Variants in CDH12 observed in about 807,000 individuals in gnomAD.
CDH12 encodes the protein cadherin-12.
A neutral mutation model predicts 74.1 loss-of-function variants in CDH12; 41 were observed. The observed-to-expected ratio is 0.55, with a 90% CI of 0.43 to 0.72. The LOEUF is 0.72. Ranked by LOEUF, CDH12 falls within the 30% of genes least tolerant of loss-of-function variation. CDH12 has a pLI of 0.00. For synonymous variants in CDH12, 399 were observed against 355.0 expected (o/e 1.12, Z -1.39); for missense variants, 945 against 977.2 (o/e 0.97, Z 0.44).
rs574162778 is a variant in CDH12, at chr5:22,657,858, C to T, written c.-522-152494G>A. On this transcript the variant is annotated intron_variant, in intron 1 of 14. Transcript: ENST00000382254. ...CCAATTTTTCTTTTAACTTCTCCAT[C>T]AAGTACAATCCATAAAGTACAATAA... 2.6e-5 allele frequency among the ~76,000 whole-genome samples: 4 copies of T among 152,202 alleles called. No individual in the cohort carries two copies. In the South Asian group the frequency reaches 8.3e-4, roughly 32 times the overall value.
intron 6 of CDH12, among the ~76,000 whole-genome samples, chr5:21,973,867 C>G (rs1398255002): frequency 6.6e-6 from 1 of 152,142 alleles, no homozygotes; most frequent in Non-Finnish European, 1.5e-5. Context: ...TTCTAAATTT[C>G]TAGCAATAAT....
chr5:22,117,458 T>TTATATATTA (rs1745192751), intron 4 of CDH12, among the ~76,000 whole-genome samples: 2 of 75,498 alleles, frequency 2.6e-5, no homozygotes, highest in African/African-American at 1.1e-4. Context: ...AATATATATA[T>TTATATATTA]TATATATATA....
intron 11 of CDH12, among the ~76,000 whole-genome samples, chr5:21,780,418 G>A (rs1022030754): frequency 6.6e-6 from 1 of 152,072 alleles, no homozygotes; most frequent in African/African-American, 2.4e-5. Context: ...TCCCATAATT[G>A]CTTTGATAAC....
chr5:22,063,868 C>T (rs1043364431), intron 5 of CDH12, among the ~76,000 whole-genome samples: 1 of 152,086 alleles, frequency 6.6e-6, no homozygotes, highest in African/African-American at 2.4e-5. Context: ...TTGGAACTCT[C>T]TCTGAGTTTC....
intron 4 of CDH12, among the ~76,000 whole-genome samples, chr5:22,119,026 T>C (rs1034937830): frequency 1.1e-4 from 17 of 152,062 alleles, no homozygotes; most frequent in African/African-American, 3.9e-4. Flanking sequence ...CAAGAAGAAG[T>C]AATAGGATCG....
chr5:22,491,593 T>C (rs1220722357), intron 2 of CDH12, among the ~76,000 whole-genome samples: 1 of 60,986 alleles, frequency 1.6e-5, no homozygotes. Flanking sequence ...ACACCAACAG[T>C]AAGGACAGCT....
At chr5:22,434,505 G>A (rs1744300953) in intron 2 of CDH12, among the ~76,000 whole-genome samples, 1 of 151,852 alleles carries the variant, frequency 6.6e-6, no homozygotes, top group African/African-American at 2.4e-5. Context: ...TATCCAAAAT[G>A]GAGTTCACCA....
intron 3 of CDH12, among the ~76,000 whole-genome samples, chr5:22,280,850 C>T (rs183364480): frequency 3.3e-5 from 5 of 152,058 alleles, no homozygotes; most frequent in African/African-American, 7.2e-5. Flanking sequence ...AGAAAAAGAG[C>T]GAATCCTCCC....
intron 4 of CDH12, among the ~76,000 whole-genome samples, chr5:22,099,845 T>G (rs1447674347): frequency 6.6e-6 from 1 of 152,178 alleles, no homozygotes; most frequent in Non-Finnish European, 1.5e-5. Flanking sequence ...GTTTTTCTCC[T>G]TCTCTTATTC....
chr5:21,831,808 T>A (rs1749038826), intron 8 of CDH12, among the ~76,000 whole-genome samples: 1 of 152,054 alleles, frequency 6.6e-6, no homozygotes. Context: ...ATGTTTTAAT[T>A]TGTTTGCCTG....
At chr5:22,137,753 A>G (rs1746544444) in intron 4 of CDH12, among the ~76,000 whole-genome samples, 1 of 152,116 alleles carries the variant, frequency 6.6e-6, no homozygotes, top group Non-Finnish European at 1.5e-5. Flanking sequence ...AAAAACAGGC[A>G]CAAGGGCGCC....
intron 4 of CDH12, among the ~76,000 whole-genome samples, chr5:22,128,108 CTT>C (rs1745984370): frequency 6.6e-6 from 1 of 152,250 alleles, no homozygotes; most frequent in South Asian, 2.1e-4. Context: ...TTCACTGGAT[CTT>C]TGCATTTATT....
chr5:22,456,019 C>G (rs1233779182), intron 2 of CDH12, among the ~76,000 whole-genome samples: 1 of 151,770 alleles, frequency 6.6e-6, no homozygotes, highest in Admixed American at 6.6e-5. Context: ...ATACTCCCGA[C>G]ATGCTTAATT....
At chr5:21,956,708 A>G (rs919843069) in intron 6 of CDH12, among the ~76,000 whole-genome samples, 2 of 152,044 alleles carry the variant, frequency 1.3e-5, no homozygotes, top group African/African-American at 4.8e-5. Context: ...TAGATAGGAT[A>G]TTCTTTATTT....
chr5:22,174,119 C>T (rs1749201438), intron 4 of CDH12, among the ~76,000 whole-genome samples: 1 of 151,926 alleles, frequency 6.6e-6, no homozygotes, highest in African/African-American at 2.4e-5. Flanking sequence ...TTAGTATTCT[C>T]ATTCTATAGA....
chr5:22,420,751 G>A (rs1016165527), intron 2 of CDH12, among the ~76,000 whole-genome samples: 53 of 152,078 alleles, frequency 3.5e-4, no homozygotes, highest in Admixed American at 2.6e-3. Flanking sequence ...AGTTTAATGG[G>A]AATATCATTG....
At chr5:22,530,797 T>C (rs1441334921) in intron 1 of CDH12, among the ~76,000 whole-genome samples, 3 of 152,158 alleles carry the variant, frequency 2.0e-5, no homozygotes, top group Admixed American at 6.6e-5. Flanking sequence ...TCTATAGGCA[T>C]ATTTATTATT....
At chr5:22,220,700 G>C (rs1478451401) in intron 3 of CDH12, among the ~76,000 whole-genome samples, 1 of 151,500 alleles carries the variant, frequency 6.6e-6, no homozygotes, top group Non-Finnish European at 1.5e-5. Context: ...AATTTAGATA[G>C]CTACATAAAA....
At chr5:21,871,119 T>TA (rs1300801722) in intron 6 of CDH12, among the ~76,000 whole-genome samples, 3 of 152,128 alleles carry the variant, frequency 2.0e-5, no homozygotes, top group Admixed American at 6.6e-5. Flanking sequence ...ACAGAATTTT[T>TA]AAAAAAATTT....
Sources: allele counts gnomAD v4.1 joint callset (sites outside exome capture counted in the v4.1 genomes callset), GRCh38; gene constraint gnomAD v4.1.1; transcripts MANE v1.5; gene names NCBI Gene and HGNC (gene_info 2026-07-23, HGNC 2026-07-21).